KDM7A: variants seen among roughly 807,000 people sequenced by gnomAD.
The protein encoded by KDM7A is lysine demethylase 7A, also known as lysine-specific demethylase 7A.
A neutral mutation model predicts 114.8 loss-of-function variants in KDM7A; 28 were observed. The observed-to-expected ratio is 0.24, with a 90% CI of 0.18 to 0.33. KDM7A has a LOEUF of 0.33. Among genes scored for constraint, KDM7A ranks in the 10% least tolerant of loss-of-function variants. KDM7A has a pLI of 1.00. For missense variants in KDM7A, 942 were observed against 1,142.5 expected, an observed-to-expected ratio of 0.82 and a Z score of 2.53; for synonymous variants, 423 against 397.8, an observed-to-expected ratio of 1.06 and a Z score of -0.75.
Position 140,098,959 on chromosome 7 carries a change from G to C in KDM7A, c.1838C>G (p.Thr613Arg), listed in dbSNP as rs758836405. 1.9e-6 allele frequency: 3 copies of C among 1,611,718 alleles called. No homozygotes were observed. The highest frequency in any genetic ancestry group is 2.2e-5 in the South Asian group (2 of 90,928). ...TTCTATCTTCATTTTTGCCTTTTTT[G>C]TCCTTCTTTTATCCTCTTCATTTTC... ...DSENEEDKRRTKKAKMKIEES... is the reference protein window; with the variant it reads ...DSENEEDKRRRKKAKMKIEES... Residue 613 changes from threonine to arginine, a missense_variant, in exon 14 of 20, where the codon ACA (threonine) becomes AGA (arginine). By Grantham distance (71) the Thr-to-Arg change is moderately conservative. Coordinates refer to ENST00000397560, the MANE Select transcript of KDM7A (RefSeq NM_030647.2).
chr7:140,104,130 T>C (rs1053751966), intron 11 of KDM7A, among the ~76,000 whole-genome samples: 5 of 152,250 alleles, frequency 3.3e-5, no homozygotes, highest in Non-Finnish European at 5.9e-5. Context: ...TGTCTGTTCC[T>C]ATCCTTCGCC....
chr7:140,136,079 C>T (rs1285935001), intron 2 of KDM7A, among the ~76,000 whole-genome samples: 1 of 152,212 alleles, frequency 6.6e-6, no homozygotes, highest in African/African-American at 2.4e-5. Flanking sequence ...CCTATCTCAG[C>T]AACCCCAGTA....
intron 7 of KDM7A, among the ~76,000 whole-genome samples, chr7:140,121,861 A>G (rs1250018951): frequency 1.3e-5 from 2 of 152,284 alleles, no homozygotes; most frequent in East Asian, 3.9e-4. Flanking sequence ...GTTTTGGCAC[A>G]ATTTCCTGAA....
chr7:140,105,184 T>C (rs1307373720), intron 11 of KDM7A, among the ~76,000 whole-genome samples: 1 of 152,194 alleles, frequency 6.6e-6, no homozygotes, highest in Non-Finnish European at 1.5e-5. Context: ...TAAGGAGATT[T>C]TGGGCTGAGA....
chr7:140,134,410 A>T (rs1199692980), intron 2 of KDM7A, among the ~76,000 whole-genome samples: 1 of 152,148 alleles, frequency 6.6e-6, no homozygotes, highest in Admixed American at 6.6e-5. Flanking sequence ...TTAAACTGCT[A>T]ATTTTCAAAC....
At chr7:140,169,586 C>T (rs1436142241) in intron 1 of KDM7A, among the ~76,000 whole-genome samples, 2 of 152,096 alleles carry the variant, frequency 1.3e-5, no homozygotes, top group East Asian at 1.9e-4. Flanking sequence ...AGTGCAGTGG[C>T]GTGATCTCGG....
At chr7:140,166,891 T>C (rs1794582255) in intron 1 of KDM7A, among the ~76,000 whole-genome samples, 1 of 152,006 alleles carries the variant, frequency 6.6e-6, no homozygotes, top group Non-Finnish European at 1.5e-5. Context: ...ATAATACAAC[T>C]CAAATAATTT....
In KDM7A at chr7:140,130,187, A is replaced by G. The variant is rs117032158; in HGVS notation, c.399-534T>C. On this transcript the variant is annotated intron_variant, in intron 3 of 19. Transcript: ENST00000397560. ...TATTTTAGTATGTAAACTACACTAG[A>G]AGACATCATAAAATAATAGGATGCT... is the stretch of plus-strand genomic sequence containing the variant. 1.3e-4 allele frequency among the ~76,000 whole-genome samples: 20 copies of G among 152,340 alleles called. No individual in the cohort carries two copies. The East Asian group carries it at 3.9e-3, about 29-fold the overall frequency.
chr7:140,096,828 TA>T (rs1483836344), intron 16 of KDM7A, 65 bp from the exon 17 acceptor site: 2 of 1,589,524 alleles, frequency 1.3e-6, no homozygotes, highest in African/African-American at 2.7e-5. Context: ...TGGTAAAATT[TA>T]AAACTAAAAA....
rs557316593 is a variant in KDM7A, at chr7:140,153,409, C to G, written c.195-14219G>C. Among the ~76,000 whole-genome samples the G allele has an allele frequency of 3.3e-5, 5 of 151,688 alleles. No homozygotes were observed. In the East Asian group the frequency reaches 5.9e-4, roughly 18 times the overall value. On this transcript the variant is annotated intron_variant, in intron 1 of 19. Transcript: ENST00000397560. ...GCTGAGGCAGGAGAATGGCGTGAAC[C>G]CAGGAGACGGAGCTTGCAGTGAGCC...
intron 6 of KDM7A, 50 bp downstream of exon 6, chr7:140,126,587 A>G (rs770535989): frequency 8.7e-7 from 1 of 1,151,434 alleles, no homozygotes; most frequent in Non-Finnish European, 1.2e-6. Flanking sequence ...CTGAAAAACT[A>G]GGGCTATATG....
At chr7:140,148,430 T>C (rs1794363584) in intron 1 of KDM7A, among the ~76,000 whole-genome samples, 1 of 152,006 alleles carries the variant, frequency 6.6e-6, no homozygotes, top group Non-Finnish European at 1.5e-5. Context: ...TCTGTAAAGA[T>C]GGGAAATAGT....
intron 1 of KDM7A, among the ~76,000 whole-genome samples, chr7:140,141,134 G>C (rs995649227): frequency 1.3e-5 from 2 of 152,050 alleles, no homozygotes; most frequent in Admixed American, 6.6e-5. Flanking sequence ...ATTATTGAGA[G>C]ACTTTAAAGA....
chr7:140,176,844 G>A lies in KDM7A; in HGVS notation c.94C>T (p.Pro32Ser), dbSNP rs1794717188. Residue 32 changes from proline (P) to serine (S), a missense_variant, in exon 1 of 20, where the codon CCT (proline) becomes TCT (serine). Physicochemically the swap from Pro to Ser is moderately conservative, Grantham distance 74 (BLOSUM62 -1). This residue lies in a region of KDM7A where 112 missense variants were observed against 96.2 expected (regional missense o/e 1.16). Transcript: ENST00000397560. The surrounding 1 kb of genome is among the most constrained non-coding windows in gnomAD (Gnocchi z 4.4). Reference sequence around the variant, plus strand: ...CAGTACACGGGCGGGGGCGGCGGAGGCGCCGAGGCCCGGCCGGGAGCCGCC... The same window carrying A: ...CAGTACACGGGCGGGGGCGGCGGAGACGCCGAGGCCCGGCCGGGAGCCGCC... ...SVAAPGRASA[P>S]PPPPPVYCVC... The A allele has an allele frequency of 7.5e-7, 1 of 1,329,348 alleles. No individual in the cohort carries two copies. Among genetic ancestry groups the A allele is most frequent in the Non-Finnish European group, 9.8e-7 (1 of 1,020,432 alleles). The allele number at this position is 1,329,348 out of a possible 1,614,324, so 82.3% of individuals were successfully genotyped here. A position where few individuals can be genotyped will look rare whatever the true frequency, so the allele number is the denominator to read the frequency against.
Position 140,089,441 on chromosome 7 carries a change from A to C in KDM7A, c.*1653T>G, listed in dbSNP as rs1036575063. Reference sequence around the variant, plus strand: ...CAGACTTTTTTCTTCTTAGCAATTCAAGTGATACTTAATAGAGAAGGGTAA... The same window carrying C: ...CAGACTTTTTTCTTCTTAGCAATTCCAGTGATACTTAATAGAGAAGGGTAA... On this transcript the variant is annotated 3_prime_UTR_variant, in exon 20 of 20. Coordinates refer to ENST00000397560, the MANE Select transcript of KDM7A (RefSeq NM_030647.2). 2 of 152,228 alleles carry C rather than the reference A, an allele frequency of 1.3e-5. No homozygotes were observed. The highest frequency in any genetic ancestry group is 4.8e-5 in the African/African-American group (2 of 41,454). 9.4% of individuals were successfully genotyped at this position (152,228 alleles called of 1,614,324 possible).
intron 1 of KDM7A, among the ~76,000 whole-genome samples, chr7:140,160,347 AC>A (rs1385370427): frequency 6.6e-6 from 1 of 152,182 alleles, no homozygotes; most frequent in Admixed American, 6.5e-5. Context: ...TCATATCCTA[AC>A]GTTACTTGAA....
At chr7:140,100,625 T>C (rs1213095179) in intron 12 of KDM7A, among the ~76,000 whole-genome samples, 1 of 146,468 alleles carries the variant, frequency 6.8e-6, no homozygotes, top group Non-Finnish European at 1.5e-5. Context: ...TCTTAAAACA[T>C]TATAATTACA....
At chr7:140,161,561 T>TG (rs1585166991) in intron 1 of KDM7A, among the ~76,000 whole-genome samples, 2 of 151,802 alleles carry the variant, frequency 1.3e-5, no homozygotes, top group African/African-American at 4.8e-5. Flanking sequence ...TTTTCTACGG[T>TG]GGGGGGGACG....
chr7:140,095,669 G>T, intron 17 of KDM7A: 2 of 276,260 alleles, frequency 7.2e-6, no homozygotes, highest in Non-Finnish European at 1.5e-5. Context: ...CTTGAGCTCA[G>T]GAGTTGGAGA....
Sources: gnomAD v4.1 joint callset for allele counts (sites outside exome capture counted in the v4.1 genomes callset) on GRCh38, gnomAD v4.1.1 for gene constraint, gnomAD v4.1.1 regional missense constraint, Gnocchi (gnomAD v3.1) non-coding constraint, MANE v1.5 for transcripts, NCBI Gene and HGNC (gene_info 2026-07-23, HGNC 2026-07-21) for gene names.